KITLG: variants seen among roughly 807,000 people sequenced by gnomAD.
The protein encoded by KITLG is c-Kit ligand.
A neutral mutation model predicts 34.1 loss-of-function variants in KITLG; 13 were observed. The observed-to-expected ratio is 0.38, with a 90% CI of 0.25 to 0.61. The LOEUF (loss-of-function observed/expected upper bound fraction) is 0.61, where lower values mean the gene tolerates loss of function less well. Ranked by LOEUF, KITLG falls within the 20% of genes least tolerant of loss-of-function variation. The probability of loss-of-function intolerance (pLI) is 0.60; values close to 1 mark genes in which losing one functional copy is unlikely to be tolerated. For missense variants in KITLG, 292 were observed against 318.9 expected, an observed-to-expected ratio of 0.92 and a Z score of 0.64; for synonymous variants, 110 against 104.0, an observed-to-expected ratio of 1.06 and a Z score of -0.35.
intron 6 of KITLG, among the ~76,000 whole-genome samples, chr12:88,512,401 T>C (rs1869308837): frequency 2.0e-5 from 3 of 152,076 alleles, no homozygotes; most frequent in South Asian, 4.1e-4. Context: ...CTGCGACCTA[T>C]GACACACTAG....
At chr12:88,537,750 T>C (rs1282503104) in intron 2 of KITLG, among the ~76,000 whole-genome samples, 18 of 152,154 alleles carry the variant, frequency 1.2e-4, no homozygotes, top group Admixed American at 1.2e-3. Flanking sequence ...CCGTAGTATA[T>C]TGACTCACCT....
At position 88,545,740 on chromosome 12, in the gene KITLG, T is replaced by A; in HGVS notation, c.129+12A>T. 7.0e-7 allele frequency: 1 copy of A among 1,430,486 alleles called. No individual in the cohort carries two copies. The highest frequency in any genetic ancestry group is 9.9e-7 in the Non-Finnish European group (1 of 1,013,154). The allele number at this position is 1,430,486 out of a possible 1,614,324, so 88.6% of individuals were successfully genotyped here. On this transcript the variant is annotated intron_variant, in intron 2 of 9. Coordinates refer to ENST00000644744, the MANE Select transcript of KITLG (RefSeq NM_000899.5). ...CTTTTTTACACAGCACGGTAAAGCA[T>A]TCCTTACTTACCAATTTAGTGACGT...
At chr12:88,563,728 A>T (rs981545260) in intron 1 of KITLG, among the ~76,000 whole-genome samples, 15 of 152,190 alleles carry the variant, frequency 9.9e-5, no homozygotes, top group Non-Finnish European at 1.6e-4. Context: ...TGGGAGACCA[A>T]GGTGGGCGGA....
rs935710649 is a variant in KITLG, at chr12:88,500,580, C to T, written c.*38-3399G>A. 4.6e-5 allele frequency among the ~76,000 whole-genome samples: 7 copies of T among 152,154 alleles called. No homozygotes were observed. In the East Asian group the frequency reaches 5.8e-4, roughly 13 times the overall value. The stretch of plus-strand genomic sequence containing the variant: ...AGTAAAGAGCAAAAGTTTCCTGTAA[C>T]GTATTAACATAAAGTTTTTAATGTA... On this transcript the variant is annotated intron_variant, in intron 9 of 9. Transcript: ENST00000644744.
At chr12:88,523,122 A>T (rs1341118886) in intron 3 of KITLG, among the ~76,000 whole-genome samples, 1 of 152,160 alleles carries the variant, frequency 6.6e-6, no homozygotes, top group Non-Finnish European at 1.5e-5. Context: ...CTGGAATTAG[A>T]CGTATGCATG....
intron 1 of KITLG, among the ~76,000 whole-genome samples, chr12:88,546,625 A>C (rs1281651330): frequency 6.6e-6 from 1 of 152,148 alleles, no homozygotes; most frequent in Non-Finnish European, 1.5e-5. Context: ...TGTGCAACTG[A>C]TTTATCTTTG....
intron 2 of KITLG, among the ~76,000 whole-genome samples, chr12:88,535,704 T>G (rs1411239960): frequency 6.6e-6 from 1 of 152,198 alleles, no homozygotes; most frequent in African/African-American, 2.4e-5. Flanking sequence ...TAAGCATTTA[T>G]ACAGATTGAA....
chr12:88,517,977 G>A (rs1282768071), intron 4 of KITLG, among the ~76,000 whole-genome samples: 1 of 152,100 alleles, frequency 6.6e-6, no homozygotes, highest in African/African-American at 2.4e-5. Flanking sequence ...GCATGATTTT[G>A]CTATAGACAC....
At chr12:88,500,705 T>C (rs1868819911) in intron 9 of KITLG, among the ~76,000 whole-genome samples, 1 of 152,256 alleles carries the variant, frequency 6.6e-6, no homozygotes, top group Non-Finnish European at 1.5e-5. Context: ...GCATAAGCTA[T>C]GTGACCAAGT....
intron 8 of KITLG, among the ~76,000 whole-genome samples, chr12:88,505,498 T>G (rs765765692): frequency 1.3e-5 from 2 of 152,322 alleles, no homozygotes; most frequent in Non-Finnish European, 2.9e-5. Context: ...GCATTTCATA[T>G]GTGTCTGTGT....
At chr12:88,576,422 T>C (rs2120995292) in intron 1 of KITLG, among the ~76,000 whole-genome samples, 1 of 152,274 alleles carries the variant, frequency 6.6e-6, no homozygotes, top group East Asian at 1.9e-4. Flanking sequence ...TTCTCTGGCT[T>C]GTAAAAGTAG....
intron 2 of KITLG, among the ~76,000 whole-genome samples, chr12:88,533,100 A>G (rs1233844576): frequency 6.6e-6 from 1 of 152,214 alleles, no homozygotes; most frequent in Non-Finnish European, 1.5e-5. Flanking sequence ...CAAATGCTTT[A>G]TAAGAAATAA....
intron 1 of KITLG, among the ~76,000 whole-genome samples, chr12:88,564,923 C>T (rs1321935706): frequency 6.6e-6 from 1 of 152,198 alleles, no homozygotes; most frequent in Non-Finnish European, 1.5e-5. Context: ...TGCCTTGAGT[C>T]ACTAAGATGA....
intron 6 of KITLG, 118 bp from the exon 7 acceptor site, chr12:88,507,255 G>A: frequency 1.5e-6 from 1 of 668,174 alleles, no homozygotes; most frequent in Non-Finnish European, 2.7e-6. Context: ...TCTGTTTAAA[G>A]TATTCAAAAG....
chr12:88,574,919 A>G (rs537955126), intron 1 of KITLG, among the ~76,000 whole-genome samples: 88 of 152,332 alleles, frequency 5.8e-4, no homozygotes, highest in African/African-American at 2.0e-3. Flanking sequence ...TTACAAAGAA[A>G]TATCAAGCAG....
chr12:88,560,780 C>T (rs1011366511), intron 1 of KITLG, among the ~76,000 whole-genome samples: 2 of 151,878 alleles, frequency 1.3e-5, no homozygotes, highest in East Asian at 1.9e-4. Flanking sequence ...CCAGCCTGGC[C>T]AACACAGTGA....
chr12:88,532,536 A>T, intron 2 of KITLG, 33 bp from the exon 3 acceptor site: 2 of 1,426,406 alleles, frequency 1.4e-6, no homozygotes, highest in Non-Finnish European at 2.0e-6. Context: ...TCCATAAGAA[A>T]ATTCTTATAC....
intron 8 of KITLG, among the ~76,000 whole-genome samples, chr12:88,506,079 C>T (rs1028929149): frequency 6.6e-6 from 1 of 152,160 alleles, no homozygotes; most frequent in Non-Finnish European, 1.5e-5. Flanking sequence ...AACCCCTTTA[C>T]AAACCCTAAG....
chr12:88,527,192 T>C (rs1421242393), intron 3 of KITLG, among the ~76,000 whole-genome samples: 1 of 152,126 alleles, frequency 6.6e-6, no homozygotes, highest in Non-Finnish European at 1.5e-5. Flanking sequence ...TTGGAGGCCT[T>C]GTTGAAGCAG....
Sources: gnomAD v4.1 joint callset for allele counts (sites outside exome capture counted in the v4.1 genomes callset) on GRCh38, gnomAD v4.1.1 for gene constraint, MANE v1.5 for transcripts, NCBI Gene and HGNC (gene_info 2026-07-23, HGNC 2026-07-21) for gene names.